Variants in LRP1B observed in about 807,000 individuals in gnomAD.
The protein encoded by LRP1B is low-density lipoprotein receptor-related protein 1B.
Under a neutral mutation model 556.6 loss-of-function variants are expected in LRP1B, and 217 were observed. That is an observed-to-expected ratio of 0.39 (90% confidence interval 0.35 to 0.44). LRP1B has a LOEUF of 0.44. Ranked by LOEUF, LRP1B falls within the 20% of genes least tolerant of loss-of-function variation. The pLI, the probability that LRP1B is intolerant of heterozygous loss-of-function variation, is 1.00. For synonymous variants in LRP1B, 2,047 were observed against 1,865.8 expected (o/e 1.10, Z -2.50); for missense variants, 5,053 against 5,620.8 (o/e 0.90, Z 3.23).
At chr2:141,979,607 A>T (rs942664439) in intron 1 of LRP1B, among the ~76,000 whole-genome samples, 1 of 152,030 alleles carries the variant, frequency 6.6e-6, no homozygotes, top group Non-Finnish European at 1.5e-5. Flanking sequence ...CTTTTCAGTT[A>T]TCTTGCCGTC....
At chr2:141,913,428 T>A (rs1699956051) in intron 1 of LRP1B, among the ~76,000 whole-genome samples, 1 of 152,144 alleles carries the variant, frequency 6.6e-6, no homozygotes, top group East Asian at 1.9e-4. Flanking sequence ...CTTCCCACTC[T>A]CCATTACACT....
chr2:141,681,196 G>A (rs568895072), intron 2 of LRP1B, among the ~76,000 whole-genome samples: 5 of 152,246 alleles, frequency 3.3e-5, no homozygotes, highest in African/African-American at 1.2e-4. Context: ...GGAGGCTGAG[G>A]TGGGAGGATT....
intron 11 of LRP1B, among the ~76,000 whole-genome samples, chr2:141,030,672 G>T (rs1371215822): frequency 2.0e-5 from 3 of 151,972 alleles, no homozygotes; most frequent in Admixed American, 6.6e-5. Context: ...ATGGTTATCA[G>T]ACCATCACCA....
At chr2:142,069,895 A>C (rs1177296196) in intron 1 of LRP1B, among the ~76,000 whole-genome samples, 2 of 151,772 alleles carry the variant, frequency 1.3e-5, no homozygotes, top group African/African-American at 2.4e-5. Context: ...TTATAAAACA[A>C]TTTGTGCAGT....
At chr2:140,450,040 T>C (rs868694771) in intron 63 of LRP1B, among the ~76,000 whole-genome samples, 18 of 152,182 alleles carry the variant, frequency 1.2e-4, no homozygotes, top group Non-Finnish European at 8.8e-5. Flanking sequence ...TACTTGGTAA[T>C]ATCTTTAGAG....
intron 2 of LRP1B, among the ~76,000 whole-genome samples, chr2:141,591,253 A>T (rs1687323970): frequency 6.6e-6 from 1 of 152,000 alleles, no homozygotes; most frequent in Admixed American, 6.6e-5. Context: ...GTCCCTAAGA[A>T]CAGCATTCTA....
At chr2:140,987,584 G>A (rs1295773912) in intron 17 of LRP1B, among the ~76,000 whole-genome samples, 1 of 152,060 alleles carries the variant, frequency 6.6e-6, no homozygotes, top group Non-Finnish European at 1.5e-5. Flanking sequence ...AGTAAACATG[G>A]TGTTATAAAT....
At chr2:141,548,911 G>A (rs925087030) in intron 2 of LRP1B, among the ~76,000 whole-genome samples, 2 of 151,880 alleles carry the variant, frequency 1.3e-5, no homozygotes, top group Non-Finnish European at 2.9e-5. Context: ...ATCCCCTGAA[G>A]TATGAAATAT....
At position 141,584,438 on chromosome 2, in the gene LRP1B, A is replaced by C. The variant is rs866102067; in HGVS notation, c.206-103905T>G. Among the ~76,000 whole-genome samples, 8 of 152,262 alleles carry C rather than the reference A, an allele frequency of 5.3e-5. No individual in the cohort carries two copies. In the South Asian group the frequency reaches 6.2e-4, roughly 12 times the overall value. On this transcript the variant is annotated intron_variant, in intron 2 of 90. Transcript: ENST00000389484. ...AAAGGACCAACGATGTTAAGAATCG[A>C]CCATACTAATTTATGCAGACGGAAC...
chr2:140,816,120 T>A (rs1022241693), intron 31 of LRP1B, among the ~76,000 whole-genome samples: 2 of 152,020 alleles, frequency 1.3e-5, no homozygotes, highest in East Asian at 1.9e-4. Context: ...CAACTGAATT[T>A]TTTTTTTTCT....
intron 2 of LRP1B, among the ~76,000 whole-genome samples, chr2:141,506,832 A>G (rs4482419): frequency 0.97 from 148,247 of 152,176 alleles, 72,322 homozygotes; most frequent in East Asian, 1. Context: ...AAAAAATATT[A>G]TAAATTTTTA....
At chr2:140,729,706 G>A (rs10197395) in intron 35 of LRP1B, among the ~76,000 whole-genome samples, 23,553 of 152,040 alleles carry the variant, frequency 0.15, 1,905 homozygotes, top group South Asian at 0.2. Flanking sequence ...GTATTTGGTA[G>A]CAATTCACGT....
chr2:141,864,580 C>A (rs1356252416), intron 1 of LRP1B, among the ~76,000 whole-genome samples: 2 of 135,570 alleles, frequency 1.5e-5, no homozygotes, highest in Non-Finnish European at 3.3e-5. Flanking sequence ...AAAAAAAAAA[C>A]TTATGAAACT....
At chr2:141,645,857 A>G (rs779121700) in intron 2 of LRP1B, among the ~76,000 whole-genome samples, 15 of 152,086 alleles carry the variant, frequency 9.9e-5, no homozygotes, top group Non-Finnish European at 1.9e-4. Context: ...ATATAAATAA[A>G]TAACTACAAG....
At chr2:141,343,575 A>G (rs1915491) in intron 3 of LRP1B, among the ~76,000 whole-genome samples, 90,408 of 151,964 alleles carry the variant, frequency 0.59, 27,807 homozygotes, top group African/African-American at 0.69. Flanking sequence ...CTTTATGTTA[A>G]GCTTTGTTTG....
In LRP1B at chr2:140,867,669, C is replaced by T. The variant is rs750194496; in HGVS notation, c.4500G>A (p.Gly1500=). Residue 1500 remains glycine, a synonymous_variant, in exon 27 of 91, where the codon GGG becomes GGA. Coordinates refer to ENST00000389484, the MANE Select transcript of LRP1B (RefSeq NM_018557.3). ...TTTTCTGAATCACACTGACATTCTG[C>T]CCTGTCCACTTATTGGCTTTGGACA... The part of the protein sequence containing the change: ...NTLSKANKWT[G]QNVSVIQKTS... 2 of 1,613,590 alleles carry T rather than the reference C, an allele frequency of 1.2e-6. No homozygotes were observed. The highest frequency in any genetic ancestry group is 1.7e-6 in the Non-Finnish European group (2 of 1,179,666).
intron 1 of LRP1B, among the ~76,000 whole-genome samples, chr2:142,033,603 A>T (rs1703776769): frequency 6.6e-6 from 1 of 151,708 alleles, no homozygotes; most frequent in Admixed American, 6.6e-5. Context: ...AACCTCACTG[A>T]TGCAGCATAA....
chr2:140,907,854 C>T (rs1288482516), intron 22 of LRP1B, 23 bp downstream of exon 22: 1 of 1,606,446 alleles, frequency 6.2e-7, no homozygotes, highest in Non-Finnish European at 8.5e-7. Context: ...ATGGAGAAGT[C>T]AGTACAATTA....
At chr2:140,475,797 C>T (rs912654687) in intron 59 of LRP1B, among the ~76,000 whole-genome samples, 1 of 151,680 alleles carries the variant, frequency 6.6e-6, no homozygotes, top group African/African-American at 2.4e-5. Context: ...ATCCACTAAC[C>T]AATTATAACT....
Sources: allele counts gnomAD v4.1 joint callset (sites outside exome capture counted in the v4.1 genomes callset), GRCh38; gene constraint gnomAD v4.1.1; transcripts MANE v1.5; gene names NCBI Gene and HGNC (gene_info 2026-07-23, HGNC 2026-07-21).